The following BRF1 variants were observed in gnomAD, a reference collection of about 807,000 sequenced individuals.
BRF1 encodes the protein BRF1 general transcription factor IIIB subunit.
A neutral mutation model predicts 81.7 loss-of-function variants in BRF1; 59 were observed. That is an observed-to-expected ratio of 0.72 (90% CI 0.59 to 0.90). BRF1 has a LOEUF of 0.90. Ranked by LOEUF, BRF1 falls within the 40% of genes least tolerant of loss-of-function variation. The pLI is 0.00. For synonymous variants in BRF1, 491 were observed against 395.6 expected, an observed-to-expected ratio of 1.24 and a Z score of -2.86; for missense variants, 1,050 against 936.3, an observed-to-expected ratio of 1.12 and a Z score of -1.58.
intron 10 of BRF1, among the ~76,000 whole-genome samples, chr14:105,224,002 G>A (rs1224252399): frequency 6.6e-6 from 1 of 152,178 alleles, no homozygotes; most frequent in Non-Finnish European, 1.5e-5. Context: ...ACGAATGAAC[G>A]TTACTATTGT....
At chr14:105,310,687 G>A (rs587754900) in intron 1 of BRF1, among the ~76,000 whole-genome samples, 19 of 152,038 alleles carry the variant, frequency 1.2e-4, no homozygotes, top group African/African-American at 2.4e-4. Flanking sequence ...GATGGCGCCC[G>A]GCTCTCCAGC....
chr14:105,241,751 G>A (rs903753155), intron 5 of BRF1: 8 of 348,614 alleles, frequency 2.3e-5, no homozygotes, highest in African/African-American at 8.3e-5. Flanking sequence ...AGCACCACAC[G>A]CAACAACGGT....
chr14:105,297,869 G>A (rs1024307383), intron 1 of BRF1, among the ~76,000 whole-genome samples: 2 of 152,272 alleles, frequency 1.3e-5, no homozygotes, highest in Non-Finnish European at 2.9e-5. Context: ...GGTGGCGGTC[G>A]CCTGTAGTCC....
intron 5 of BRF1, chr14:105,247,187 T>C (rs2055179979): frequency 2.0e-6 from 2 of 985,382 alleles, no homozygotes; most frequent in African/African-American, 1.7e-5. Flanking sequence ...GGGTGTGTCC[T>C]TGGCGGGTGC....
intron 6 of BRF1, among the ~76,000 whole-genome samples, chr14:105,229,729 G>C (rs763191666): frequency 1.0e-4 from 6 of 59,504 alleles, no homozygotes; most frequent in South Asian, 1.5e-3. Context: ...TGTCCGCGTA[G>C]TCGCCCAGCT....
At chr14:105,227,762 C>A (rs1054205291) in intron 7 of BRF1, 1 of 152,290 alleles carries the variant, frequency 6.6e-6, no homozygotes, top group African/African-American at 2.4e-5. Flanking sequence ...ACACGCTACA[C>A]AACCTTCAAA....
rs1422765975 is a variant in BRF1, at chr14:105,210,664, C to T, written c.1997-76G>A. The T allele has an allele frequency of 8.6e-6, 13 of 1,511,490 alleles. No individual in the cohort carries two copies. The African/African-American group carries it at 9.6e-5, about 11-fold the overall frequency. The allele number at this position is 1,511,490 out of a possible 1,614,324, so 93.6% of individuals were successfully genotyped here. On this transcript the variant is annotated intron_variant, in intron 17 of 17. Transcript: ENST00000547530. The surrounding 1 kb of genome is among the most constrained non-coding windows in gnomAD (Gnocchi z 4.7). ...CCCAGACCCCCCAACCCGCCCTGTT[C>T]CTGGTGCCCCCCTAGAAGACTCAGG... is the stretch of plus-strand genomic sequence containing the variant.
chr14:105,313,540 C>T (rs895125360), intron 1 of BRF1, among the ~76,000 whole-genome samples: 1 of 152,236 alleles, frequency 6.6e-6, no homozygotes, highest in Non-Finnish European at 1.5e-5. Flanking sequence ...GTTCTAGATA[C>T]AGGAGTTACA....
chr14:105,245,830 C>G (rs1163445340), intron 5 of BRF1, among the ~76,000 whole-genome samples: 1 of 152,106 alleles, frequency 6.6e-6, no homozygotes, highest in Admixed American at 6.6e-5. Flanking sequence ...TAGAAGAAAA[C>G]AAAGGGAAAG....
intron 10 of BRF1, 191 bp from the exon 11 acceptor site, chr14:105,222,105 G>C (rs1241311783): frequency 1.1e-5 from 7 of 609,720 alleles, no homozygotes; most frequent in African/African-American, 1.9e-5. Context: ...GCTCAAAGCA[G>C]ATCACAGACC....
chr14:105,264,173 T>TG (rs1204815458), intron 3 of BRF1, among the ~76,000 whole-genome samples: 1 of 152,184 alleles, frequency 6.6e-6, no homozygotes, highest in African/African-American at 2.4e-5. Flanking sequence ...ACCAAAGAAC[T>TG]GGACTCTAAT....
chr14:105,311,855 A>G (rs2058358443), intron 1 of BRF1, among the ~76,000 whole-genome samples: 1 of 152,172 alleles, frequency 6.6e-6, no homozygotes, highest in East Asian at 1.9e-4. Context: ...AGCCTCAGTC[A>G]TGGCCATGTG....
At chr14:105,254,832 G>A (rs1192433088) in intron 4 of BRF1, among the ~76,000 whole-genome samples, 1 of 152,190 alleles carries the variant, frequency 6.6e-6, no homozygotes, top group Non-Finnish European at 1.5e-5. Context: ...AAAGTGCGGG[G>A]ATTACAGGTG....
chr14:105,214,501 A>G (rs77506769), intron 15 of BRF1, among the ~76,000 whole-genome samples: 4,867 of 37,506 alleles, frequency 0.13, 603 homozygotes, highest in African/African-American at 0.5. Context: ...ACACCCCTGC[A>G]TGGCTCAGCT....
chr14:105,244,838 C>T (rs888049098), intron 5 of BRF1, among the ~76,000 whole-genome samples: 5 of 151,962 alleles, frequency 3.3e-5, no homozygotes, highest in African/African-American at 1.2e-4. Context: ...CATCATGCTT[C>T]TCCAGTGTCT....
At chr14:105,224,803 C>T (rs1440344259) in intron 10 of BRF1, among the ~76,000 whole-genome samples, 1 of 152,200 alleles carries the variant, frequency 6.6e-6, no homozygotes, top group Non-Finnish European at 1.5e-5. Context: ...TATTTGCCTC[C>T]CAAAGTGCTG....
intron 5 of BRF1, 42 bp downstream of exon 5, chr14:105,252,465 A>G: frequency 3.7e-6 from 6 of 1,605,404 alleles, no homozygotes; most frequent in Non-Finnish European, 5.1e-6. Flanking sequence ...TGGTCCCTAC[A>G]GCAGCCTGCC....
At chr14:105,262,912 C>T (rs1442896128) in intron 3 of BRF1, among the ~76,000 whole-genome samples, 1 of 151,874 alleles carries the variant, frequency 6.6e-6, no homozygotes, top group Admixed American at 6.6e-5. Flanking sequence ...CAAGACCAGC[C>T]TGGACAACAT....
chr14:105,218,475 G>A (rs1056405869), intron 14 of BRF1, among the ~76,000 whole-genome samples: 3 of 152,164 alleles, frequency 2.0e-5, no homozygotes, highest in Admixed American at 6.5e-5. Flanking sequence ...CTCCAGCTTC[G>A]TCTGAGGGAC....
Sources: gnomAD v4.1 joint callset for allele counts (sites outside exome capture counted in the v4.1 genomes callset) on GRCh38, gnomAD v4.1.1 for gene constraint, Gnocchi (gnomAD v3.1) non-coding constraint, MANE v1.5 for transcripts, NCBI Gene and HGNC (gene_info 2026-07-23, HGNC 2026-07-21) for gene names.